Variants in SLAIN2 observed in about 807,000 individuals in gnomAD.
SLAIN2 encodes SLAIN family member 2.
Under a neutral mutation model 56.6 loss-of-function variants are expected in SLAIN2, and 31 were observed. The observed-to-expected ratio is 0.55, with a 90% CI of 0.41 to 0.74. The LOEUF (loss-of-function observed/expected upper bound fraction) is 0.74, where lower values mean the gene tolerates loss of function less well. Ranked by LOEUF, SLAIN2 falls within the 30% of genes least tolerant of loss-of-function variation. SLAIN2 has a pLI of 0.00. For missense variants in SLAIN2, 777 were observed against 754.2 expected (o/e 1.03, Z -0.35); for synonymous variants, 317 against 284.9 (o/e 1.11, Z -1.13).
chr4:48,395,340 A>G (rs1361462479), intron 6 of SLAIN2, among the ~76,000 whole-genome samples: 2 of 152,186 alleles, frequency 1.3e-5, no homozygotes, highest in Non-Finnish European at 2.9e-5. Flanking sequence ...TATCCAGAAC[A>G]TGTAGGTTTT....
chr4:48,381,122 A>G (rs1482966083), intron 4 of SLAIN2, among the ~76,000 whole-genome samples: 5 of 152,156 alleles, frequency 3.3e-5, no homozygotes, highest in African/African-American at 1.2e-4. Flanking sequence ...CTAACTCTGT[A>G]CTTTAGAACA....
rs1231708674 is a variant in SLAIN2 at position 48,341,809 on chromosome 4, C to G, written c.70C>G (p.Leu24Val). The part of the protein sequence containing the change: ...VRKLQELVKK[L>V]EKQNEQLRSR... ...GAAGCTGCAGGAGCTGGTGAAGAAG[C>G]TGGAGAAGCAGAACGAACAGCTGAG... The change falls in exon 1 of 8, where the codon CTG (leucine) becomes GTG (valine). Residue 24 changes from leucine (L) to valine (V), a missense_variant. Coordinates refer to ENST00000264313, the MANE Select transcript of SLAIN2 (RefSeq NM_020846.2). 6.5e-7 allele frequency: 1 copy of G among 1,533,878 alleles called. No homozygotes were observed. Among genetic ancestry groups the G allele is most frequent in the Admixed American group, 2.0e-5 (1 of 49,670 alleles).
At chr4:48,346,905 A>G (rs1489926777) in intron 1 of SLAIN2, among the ~76,000 whole-genome samples, 1 of 143,884 alleles carries the variant, frequency 7.0e-6, no homozygotes, top group African/African-American at 2.7e-5. Context: ...AACTCCTGGG[A>G]TCAGGCAGTC....
intron 6 of SLAIN2, among the ~76,000 whole-genome samples, chr4:48,387,740 C>T (rs1052348660): frequency 6.6e-6 from 1 of 151,616 alleles, no homozygotes; most frequent in Non-Finnish European, 1.5e-5. Flanking sequence ...TGAAAGTTAA[C>T]ATGAAGCAAA....
intron 1 of SLAIN2, among the ~76,000 whole-genome samples, chr4:48,359,460 G>A (rs1715257499): frequency 1.3e-5 from 2 of 152,160 alleles, no homozygotes; most frequent in African/African-American, 4.8e-5. Context: ...GCTACAATAT[G>A]AAAAGTGATT....
At chr4:48,411,368 A>C (rs1169097598) in intron 6 of SLAIN2, among the ~76,000 whole-genome samples, 1 of 152,140 alleles carries the variant, frequency 6.6e-6, no homozygotes, top group Non-Finnish European at 1.5e-5. Flanking sequence ...CAAACAAACA[A>C]ACACTCCTAT....
chr4:48,410,059 A>G lies in SLAIN2; in HGVS notation c.1361-10066A>G, dbSNP rs1346905107. On this transcript the variant is annotated intron_variant, in intron 6 of 7. Coordinates refer to ENST00000264313, the MANE Select transcript of SLAIN2 (RefSeq NM_020846.2). ...TTCCAGAGTGGCTACAACATTTTAC[A>G]GTGTCACCAGCACTGTATGAGGGTT... Among the ~76,000 whole-genome samples the G allele has an allele frequency of 2.0e-5, 3 of 152,158 alleles. No individual in the cohort carries two copies. In the East Asian group the frequency reaches 5.8e-4, roughly 29 times the overall value.
intron 6 of SLAIN2, among the ~76,000 whole-genome samples, chr4:48,402,517 C>CT (rs1387023588): frequency 1.3e-5 from 2 of 152,162 alleles, no homozygotes; most frequent in Non-Finnish European, 2.9e-5. Flanking sequence ...TCTTCAGACT[C>CT]TGAGATTCTT....
At chr4:48,346,336 C>T (rs1417098109) in intron 1 of SLAIN2, among the ~76,000 whole-genome samples, 1 of 152,036 alleles carries the variant, frequency 6.6e-6, no homozygotes, top group East Asian at 1.9e-4. Context: ...CTGTTCTTTT[C>T]CATCATTTGG....
At chr4:48,383,356 AT>A (rs1178879842) in intron 5 of SLAIN2, among the ~76,000 whole-genome samples, 2 of 151,944 alleles carry the variant, frequency 1.3e-5, no homozygotes, top group African/African-American at 2.4e-5. Context: ...AGTGAATTTC[AT>A]TTTACTTGGT....
At chr4:48,369,139 T>C (rs1715601576) in intron 1 of SLAIN2, among the ~76,000 whole-genome samples, 1 of 152,232 alleles carries the variant, frequency 6.6e-6, no homozygotes, top group Non-Finnish European at 1.5e-5. Context: ...ATTTTTCATA[T>C]GGAGTGACAC....
At chr4:48,358,957 G>T (rs1204135462) in intron 1 of SLAIN2, among the ~76,000 whole-genome samples, 4 of 151,990 alleles carry the variant, frequency 2.6e-5, no homozygotes, top group African/African-American at 7.3e-5. Context: ...CTGACCTCGG[G>T]TGATCCGCCT....
intron 6 of SLAIN2, chr4:48,394,549 A>G (rs1716327551): frequency 1.3e-6 from 2 of 1,527,850 alleles, no homozygotes; most frequent in South Asian, 2.4e-5. Context: ...TTCCAGGCAA[A>G]TATTACAGTT....
chr4:48,370,094 G>A, intron 2 of SLAIN2, 97 bp downstream of exon 2: 1 of 1,257,700 alleles, frequency 8.0e-7, no homozygotes, highest in Non-Finnish European at 1.1e-6. Flanking sequence ...CAATTCTTTG[G>A]AGCATTTTTC....
chr4:48,418,937 T>C (rs1717071951), intron 6 of SLAIN2, among the ~76,000 whole-genome samples: 1 of 152,246 alleles, frequency 6.6e-6, no homozygotes, highest in African/African-American at 2.4e-5. Flanking sequence ...ATCTTTGTTC[T>C]ATACATCAGT....
chr4:48,348,717 T>G (rs1373016174), intron 1 of SLAIN2, among the ~76,000 whole-genome samples: 1 of 151,462 alleles, frequency 6.6e-6, no homozygotes, highest in Non-Finnish European at 1.5e-5. Flanking sequence ...GAAGATACCT[T>G]TAAGACAGAG....
At chr4:48,369,721 G>T in intron 1 of SLAIN2, 128 bp from the exon 2 acceptor site, 1 of 747,236 alleles carries the variant, frequency 1.3e-6, no homozygotes, top group East Asian at 2.7e-5. Flanking sequence ...AGTAAATGTG[G>T]GTGATTTAAA....
chr4:48,345,927 G>A (rs1714851808), intron 1 of SLAIN2, among the ~76,000 whole-genome samples: 2 of 152,084 alleles, frequency 1.3e-5, no homozygotes, highest in Non-Finnish European at 1.5e-5. Context: ...ACACATGGTT[G>A]TTCAATAATT....
rs1011520870 is a variant in SLAIN2, at chr4:48,368,012, T to C, written c.390-1837T>C. Among the ~76,000 whole-genome samples the C allele has an allele frequency of 1.3e-5, 2 of 149,074 alleles. 1 individual carries two copies. ...GACATTTCATATAAATGGATTCTTA[T>C]GTGTCAGTATGCATTCACTGAACGT... On this transcript the variant is annotated intron_variant, in intron 1 of 7. Coordinates refer to ENST00000264313, the MANE Select transcript of SLAIN2 (RefSeq NM_020846.2).
Sources: gnomAD v4.1 joint callset for allele counts (sites outside exome capture counted in the v4.1 genomes callset) on GRCh38, gnomAD v4.1.1 for gene constraint, MANE v1.5 for transcripts, NCBI Gene and HGNC (gene_info 2026-07-23, HGNC 2026-07-21) for gene names.